The following PHACTR1 variants were observed in gnomAD, a reference collection of about 807,000 sequenced individuals.
PHACTR1 encodes phosphatase and actin regulator 1, also known as RPEL repeat containing 1.
In PHACTR1, 16 loss-of-function variants were observed where a neutral mutation model predicts 69.2. The observed-to-expected ratio is 0.23, with a 90% confidence interval of 0.16 to 0.35. The LOEUF (loss-of-function observed/expected upper bound fraction) is 0.35. PHACTR1 is among the 10% of genes least tolerant of loss of function. The probability of loss-of-function intolerance (pLI) is 1.00; values close to 1 mark genes in which losing one functional copy is unlikely to be tolerated. For missense variants in PHACTR1, 510 were observed against 734.7 expected (o/e 0.69, Z 3.54); for synonymous variants, 312 against 284.5 (o/e 1.10, Z -0.97).
rs545642597 is a variant in PHACTR1 at position 13,184,285 on chromosome 6, C to T, written c.664+1599C>T. 3.9e-5 allele frequency among the ~76,000 whole-genome samples: 6 copies of T among 152,270 alleles called. 1 individual carries two copies. The East Asian group carries it at 9.7e-4, about 25-fold the overall frequency. On this transcript the variant is annotated intron_variant, in intron 7 of 14. Transcript: ENST00000332995. ...CGCAGATTTGAGAGCAGAGACAGAG[C>T]GGACCCAGTGGACAAAACTGAGCCC...
intron 4 of PHACTR1, among the ~76,000 whole-genome samples, chr6:12,897,696 CTTTTATTATTATTA>C (rs1370878861): frequency 1.8e-5 from 1 of 56,592 alleles, no homozygotes; most frequent in African/African-American, 6.1e-5. Flanking sequence ...ACTTTGTAAT[CTTTTATTATTATTA>C]TTATTATTAT....
At chr6:12,778,942 C>T (rs1283752660) in intron 4 of PHACTR1, among the ~76,000 whole-genome samples, 1 of 152,244 alleles carries the variant, frequency 6.6e-6, no homozygotes, top group East Asian at 1.9e-4. Flanking sequence ...GCTTAAGCCA[C>T]AGGGGCCAGG....
At chr6:13,221,773 C>T (rs1490924626) in intron 8 of PHACTR1, among the ~76,000 whole-genome samples, 5 of 152,210 alleles carry the variant, frequency 3.3e-5, no homozygotes, top group East Asian at 1.9e-4. Context: ...CACGGTGGCT[C>T]ACGCCTCTAA....
intron 10 of PHACTR1, among the ~76,000 whole-genome samples, chr6:13,239,074 T>C (rs914405127): frequency 6.6e-6 from 1 of 152,050 alleles, no homozygotes; most frequent in Non-Finnish European, 1.5e-5. Flanking sequence ...GGGCACAGCT[T>C]AGGGGGCACA....
intron 4 of PHACTR1, among the ~76,000 whole-genome samples, chr6:12,986,876 G>A (rs1796250395): frequency 6.6e-6 from 1 of 152,182 alleles, no homozygotes. Flanking sequence ...AAGGTTTAGA[G>A]AAGTGAAAGC....
intron 4 of PHACTR1, among the ~76,000 whole-genome samples, chr6:12,812,027 C>T (rs1278622372): frequency 2.6e-5 from 4 of 151,820 alleles, no homozygotes; most frequent in African/African-American, 9.7e-5. Context: ...TAAAATTAAC[C>T]ATTTTAAACT....
intron 8 of PHACTR1, among the ~76,000 whole-genome samples, chr6:13,226,706 A>G (rs1769781279): frequency 1.3e-5 from 2 of 151,954 alleles, no homozygotes. Context: ...GATGACACGC[A>G]TGTAGTAACT....
At chr6:12,795,152 C>A (rs1772816725) in intron 4 of PHACTR1, among the ~76,000 whole-genome samples, 1 of 152,140 alleles carries the variant, frequency 6.6e-6, no homozygotes, top group Admixed American at 6.5e-5. Flanking sequence ...CCATGGACCA[C>A]ACACTTAGAG....
intron 5 of PHACTR1, among the ~76,000 whole-genome samples, chr6:13,125,342 A>G (rs1819368178): frequency 6.6e-6 from 1 of 152,050 alleles, no homozygotes; most frequent in Non-Finnish European, 1.5e-5. Flanking sequence ...TGTAAATACA[A>G]TGGTAGTCTT....
At chr6:12,771,091 A>G (rs1236013497) in intron 4 of PHACTR1, among the ~76,000 whole-genome samples, 1 of 152,236 alleles carries the variant, frequency 6.6e-6, no homozygotes, top group Admixed American at 6.5e-5. Context: ...AAAGCTCATG[A>G]TAACAACATG....
intron 10 of PHACTR1, among the ~76,000 whole-genome samples, chr6:13,259,913 G>A (rs2000374): frequency 0.053 from 8,028 of 152,190 alleles, 611 homozygotes; most frequent in African/African-American, 0.17. Flanking sequence ...GAGTTGTTCT[G>A]CTCAGTTTGC....
At chr6:13,228,832 C>T (rs931457959) in intron 9 of PHACTR1, among the ~76,000 whole-genome samples, 3 of 152,208 alleles carry the variant, frequency 2.0e-5, no homozygotes, top group African/African-American at 4.8e-5. Flanking sequence ...TAAGGGGCAA[C>T]GCTGGGGTTT....
intron 5 of PHACTR1, among the ~76,000 whole-genome samples, chr6:13,069,260 G>A (rs1185245494): frequency 6.6e-6 from 1 of 152,180 alleles, no homozygotes; most frequent in Non-Finnish European, 1.5e-5. Flanking sequence ...TCCTCGCACT[G>A]TTTCTGCCAC....
At chr6:12,752,598 A>G (rs979901528) in intron 4 of PHACTR1, among the ~76,000 whole-genome samples, 3 of 152,224 alleles carry the variant, frequency 2.0e-5, no homozygotes, top group Admixed American at 6.5e-5. Context: ...ATACATATAC[A>G]TATATTCCTT....
intron 4 of PHACTR1, among the ~76,000 whole-genome samples, chr6:12,959,228 CA>C (rs1428269240): frequency 1.0e-5 from 1 of 98,412 alleles, no homozygotes; most frequent in African/African-American, 4.0e-5. Flanking sequence ...AAAACAGAAA[CA>C]ACTCTTTAAA....
intron 5 of PHACTR1, among the ~76,000 whole-genome samples, chr6:13,134,392 G>C (rs565691280): frequency 7.9e-5 from 12 of 152,334 alleles, no homozygotes; most frequent in Admixed American, 3.9e-4. Flanking sequence ...TCAGATTGTT[G>C]CTGTGTCTGT....
chr6:12,896,478 G>A (rs573112491), intron 4 of PHACTR1, among the ~76,000 whole-genome samples: 6 of 152,180 alleles, frequency 3.9e-5, no homozygotes, highest in South Asian at 2.1e-4. Flanking sequence ...GAGCTATCCC[G>A]TCTGAACTGA....
chr6:12,772,011 G>A (rs1006193143), intron 4 of PHACTR1, among the ~76,000 whole-genome samples: 8 of 152,162 alleles, frequency 5.3e-5, no homozygotes, highest in Admixed American at 3.9e-4. Flanking sequence ...AGCCGTAGAC[G>A]CCTAGTTTCA....
At chr6:13,211,931 C>CAA (rs1583966473) in intron 8 of PHACTR1, among the ~76,000 whole-genome samples, 2 of 152,316 alleles carry the variant, frequency 1.3e-5, no homozygotes, top group African/African-American at 4.8e-5. Context: ...CACACACACA[C>CAA]AATGCGTGAC....
Sources: gnomAD v4.1 joint callset for allele counts (sites outside exome capture counted in the v4.1 genomes callset) on GRCh38, gnomAD v4.1.1 for gene constraint, MANE v1.5 for transcripts, NCBI Gene and HGNC (gene_info 2026-07-23, HGNC 2026-07-21) for gene names.